ABL1: variants seen among roughly 807,000 people sequenced by gnomAD.
The protein encoded by ABL1 is tyrosine-protein kinase ABL1.
In ABL1, 11 loss-of-function variants were observed where a neutral mutation model predicts 94.7. The ratio of observed to expected loss-of-function variants is 0.12; its 90% CI spans 0.07 to 0.19. The LOEUF is 0.19. ABL1 is among the 10% of genes least tolerant of loss of function. The probability of loss-of-function intolerance (pLI) is 1.00; values close to 1 mark genes in which losing one functional copy is unlikely to be tolerated. For synonymous variants in ABL1, 656 were observed against 622.4 expected (o/e 1.05, Z -0.80); for missense variants, 1,082 against 1,489.4 (o/e 0.73, Z 4.50).
At chr9:130,807,460 G>A (rs1008814595) in intron 1 of ABL1, among the ~76,000 whole-genome samples, 13 of 151,788 alleles carry the variant, frequency 8.6e-5, no homozygotes, top group Non-Finnish European at 1.5e-4. Context: ...GGCTGGTCTT[G>A]AACTCCTGAC....
chr9:130,855,154 T>C, intron 3 of ABL1, 58 bp downstream of exon 3: 1 of 1,520,146 alleles, frequency 6.6e-7, no homozygotes. Context: ...CCAGAGGTCC[T>C]GCTGTCGGAT....
chr9:130,740,819 AT>A (rs34323373), intron 1 of ABL1, among the ~76,000 whole-genome samples: 72 of 97,834 alleles, frequency 7.4e-4, no homozygotes, highest in South Asian at 2.3e-3. Context: ...CCACACCCAG[AT>A]TTTTTTTTTT....
chr9:130,811,877 A>C (rs962597444), intron 1 of ABL1, among the ~76,000 whole-genome samples: 1 of 143,362 alleles, frequency 7.0e-6, no homozygotes, highest in Non-Finnish European at 1.5e-5. Flanking sequence ...GTGCTACTGC[A>C]CTGTAGTCTG....
At position 130,886,166 on chromosome 9, in the gene ABL1, G is replaced by A. The variant is rs932070272; in HGVS notation, c.*483G>A. ...CTGCCTGCACTCCCTGGCCTTGCCC[G>A]TCGTGTGCTGAAGACATGTTTCAAG... On this transcript the variant is annotated 3_prime_UTR_variant, in exon 11 of 11. Coordinates refer to ENST00000318560, the MANE Select transcript of ABL1 (RefSeq NM_005157.6). 2 of 244,596 alleles carry A rather than the reference G, an allele frequency of 8.2e-6. No homozygotes were observed. The highest frequency in any genetic ancestry group is 5.9e-5 in the East Asian group (1 of 16,950). The allele number at this position is 244,596 out of a possible 1,614,324, so 15.2% of individuals were successfully genotyped here.
intron 1 of ABL1, among the ~76,000 whole-genome samples, chr9:130,817,615 C>T (rs973729296): frequency 5.1e-4 from 78 of 152,232 alleles, no homozygotes; most frequent in African/African-American, 1.9e-3. Context: ...GTTCAGTGTA[C>T]TCTCATGGCA....
intron 7 of ABL1, 120 bp downstream of exon 7, chr9:130,875,172 C>CAAAAA: frequency 6.2e-6 from 7 of 1,125,558 alleles, no homozygotes; most frequent in Non-Finnish European, 8.6e-6. Flanking sequence ...GACGGAGTCT[C>CAAAAA]ACTCTGTCAC....
chr9:130,874,497 A>T (rs1360774668), intron 6 of ABL1, among the ~76,000 whole-genome samples: 2 of 152,198 alleles, frequency 1.3e-5, no homozygotes, highest in African/African-American at 4.8e-5. Context: ...TGCACTTACT[A>T]TTCTCGACAC....
chr9:130,842,771 G>A (rs1317975125), intron 1 of ABL1, among the ~76,000 whole-genome samples: 1 of 152,208 alleles, frequency 6.6e-6, no homozygotes, highest in African/African-American at 2.4e-5. Context: ...AATGGCCTGT[G>A]ACAATAAAAA....
chr9:130,744,012 A>G (rs1263962196), intron 1 of ABL1, among the ~76,000 whole-genome samples: 3 of 152,182 alleles, frequency 2.0e-5, no homozygotes, highest in Non-Finnish European at 4.4e-5. Context: ...CTTGCTGCAT[A>G]CAAATATTCA....
In ABL1 at chr9:130,814,659, C is replaced by T. The variant is rs1033012520; in HGVS notation, c.137-39405C>T. Among the ~76,000 whole-genome samples the T allele has an allele frequency of 1.3e-5, 2 of 152,040 alleles. No homozygotes were observed. Among genetic ancestry groups the T allele is most frequent in the Non-Finnish European group, 2.9e-5 (2 of 68,002 alleles). On this transcript the variant is annotated intron_variant, in intron 1 of 10. Transcript: ENST00000372348. The surrounding 1 kb of genome is among the most constrained non-coding windows in gnomAD (Gnocchi z 4.4). ...TTGGTAGGCCGAGGTGGGCGGATCA[C>T]GAGGTCAGGAGACCGAGACCATCCT...
At chr9:130,867,066 T>C (rs1831169122) in intron 4 of ABL1, among the ~76,000 whole-genome samples, 1 of 152,274 alleles carries the variant, frequency 6.6e-6, no homozygotes, top group African/African-American at 2.4e-5. Context: ...TAATAGAATT[T>C]GGAAAAGACC....
chr9:130,830,833 G>C (rs543271337), upstream of ABL1, among the ~76,000 whole-genome samples: 3 of 152,300 alleles, frequency 2.0e-5, no homozygotes, highest in East Asian at 3.9e-4. Context: ...GGCTCTGAGA[G>C]GTGAAGTCGT....
At chr9:130,769,288 T>C (rs2515710) in intron 1 of ABL1, among the ~76,000 whole-genome samples, 1 of 151,846 alleles carries the variant, frequency 6.6e-6, no homozygotes, top group African/African-American at 2.4e-5. Flanking sequence ...GGAATGCAAC[T>C]TCTTTAGCTT....
chr9:130,871,951 T>C (rs535371604), intron 4 of ABL1, among the ~76,000 whole-genome samples, 178 bp from the exon 5 acceptor site: 33 of 152,368 alleles, frequency 2.2e-4, no homozygotes, highest in Non-Finnish European at 3.2e-4. Flanking sequence ...GAAAATTCTT[T>C]CTGCCATCAA....
rs1362265976 is a variant in ABL1 at position 130,855,160 on chromosome 9, C to T, written c.549+64C>T. On this transcript the variant is annotated intron_variant, in intron 3 of 10. Transcript: ENST00000318560. ...GCAGGGGAACCAGAGGTCCTGCTGTCGGATTGATAAATTATTGCAAGAAAG... is the reference window on the plus strand; with the variant it reads ...GCAGGGGAACCAGAGGTCCTGCTGTTGGATTGATAAATTATTGCAAGAAAG... 48 of 1,503,134 alleles carry T rather than the reference C, an allele frequency of 3.2e-5. 1 individual carries two copies. The highest frequency in any genetic ancestry group is 5.1e-5 in the South Asian group (4 of 77,888). The allele number at this position is 1,503,134 out of a possible 1,614,324, so 93.1% of individuals were successfully genotyped here.
intron 1 of ABL1, among the ~76,000 whole-genome samples, chr9:130,749,067 A>G (rs1039218123): frequency 1.3e-5 from 2 of 152,138 alleles, no homozygotes; most frequent in Admixed American, 1.3e-4. Context: ...GATCACTTTT[A>G]GGGACATTTA....
At chr9:130,831,611 C>CT (rs1489684312), upstream of ABL1, among the ~76,000 whole-genome samples, 1 of 152,006 alleles carries the variant, frequency 6.6e-6, no homozygotes, top group Non-Finnish European at 1.5e-5. Flanking sequence ...GATTTCTTTT[C>CT]TTTTTTTCTT....
At chr9:130,858,228 T>C (rs891819907) in intron 3 of ABL1, among the ~76,000 whole-genome samples, 2 of 151,932 alleles carry the variant, frequency 1.3e-5, no homozygotes, top group Admixed American at 6.6e-5. Context: ...TCTAAAATAC[T>C]GTTCAAATGG....
At chr9:130,722,173 A>G (rs891388391) in intron 1 of ABL1, among the ~76,000 whole-genome samples, 10 of 151,952 alleles carry the variant, frequency 6.6e-5, no homozygotes, top group Non-Finnish European at 1.3e-4. Flanking sequence ...CGGGTGGATC[A>G]CCTGAAGTCA....
Sources: allele counts gnomAD v4.1 joint callset (sites outside exome capture counted in the v4.1 genomes callset), GRCh38; gene constraint gnomAD v4.1.1; non-coding constraint Gnocchi (gnomAD v3.1); transcripts MANE v1.5; gene names NCBI Gene and HGNC (gene_info 2026-07-23, HGNC 2026-07-21).